The following PLAGL1 variants were observed in gnomAD, a reference collection of about 807,000 sequenced individuals.
PLAGL1 encodes the protein PLAG1 like zinc finger 1.
In PLAGL1, 1 loss-of-function variant was observed where a neutral mutation model predicts 4.6. The ratio of observed to expected loss-of-function variants is 0.22; its 90% CI spans 0.08 to 1.03. The LOEUF (loss-of-function observed/expected upper bound fraction) is 1.03, where lower values mean the gene tolerates loss of function less well. PLAGL1 is among the 50% of genes least tolerant of loss of function. PLAGL1 has a pLI of 0.58. For missense variants in PLAGL1, 464 were observed against 570.4 expected (o/e 0.81, Z 1.90); for synonymous variants, 240 against 237.8 (o/e 1.01, Z -0.08).
At chr6:144,021,485 C>T (rs1266056906) in intron 1 of PLAGL1, among the ~76,000 whole-genome samples, 2 of 152,148 alleles carry the variant, frequency 1.3e-5, no homozygotes, top group East Asian at 3.8e-4. Flanking sequence ...AGAAAAACAA[C>T]TTTTATAGAA....
chr6:143,980,414 T>G (rs2128604937), intron 2 of PLAGL1, among the ~76,000 whole-genome samples: 1 of 149,244 alleles, frequency 6.7e-6, no homozygotes, highest in Non-Finnish European at 1.5e-5. Context: ...TTCCATTCAG[T>G]ATCTCATTTT....
rs1799664677 is a variant in PLAGL1, at chr6:144,064,300, C to CCA, written c.-151+166_-151+167dup. Among the ~76,000 whole-genome samples, 1 of 152,122 alleles carries CCA rather than the reference C, an allele frequency of 6.6e-6. No homozygotes were observed. The highest frequency in any genetic ancestry group is 2.4e-5 in the African/African-American group (1 of 41,426). On this transcript the variant is annotated intron_variant, in intron 1 of 3. Transcript: ENST00000437412. This position sits in a 1 kb window ranked among gnomAD's most constrained non-coding sequence, Gnocchi z 6.8. ...GGCAGGACGCAGGCAGGAGCCTCGG[C>CCA]CAGGCTACCTCGCCTGGCCCGCGGA...
intron 1 of PLAGL1, among the ~76,000 whole-genome samples, chr6:144,054,448 G>T (rs1415705694): frequency 6.6e-6 from 1 of 152,142 alleles, no homozygotes; most frequent in Admixed American, 6.5e-5. Context: ...GTCCCTTGCA[G>T]GGGCATGGAT....
At position 144,030,821 on chromosome 6, in the gene PLAGL1, G is replaced by A. The variant is rs567535272; in HGVS notation, c.-151+33647C>T. On this transcript the variant is annotated intron_variant, in intron 1 of 3. Coordinates refer to the PLAGL1 transcript ENST00000437412. ...ACATGAGTGTGCAAGTATCTTTATC[G>A]TATAATGACTTCTTTTCCTCTGGGT... 6.5e-4 allele frequency among the ~76,000 whole-genome samples: 99 copies of A among 152,290 alleles called. No homozygotes were observed. In the Middle Eastern group the frequency reaches 0.024, roughly 37 times the overall value.
In PLAGL1 at chr6:144,013,475, A is replaced by G. The variant is rs1018368673; in HGVS notation, c.-150-44497T>C. ...GAACTTCCTTAGCCAGATAGTGGCTATATTTTATCCTATAGCTGCCATAAC... is the reference window on the plus strand; with the variant it reads ...GAACTTCCTTAGCCAGATAGTGGCTGTATTTTATCCTATAGCTGCCATAAC... On this transcript the variant is annotated intron_variant, in intron 1 of 3. Coordinates refer to the PLAGL1 transcript ENST00000437412. This position sits in a 1 kb window ranked among gnomAD's most constrained non-coding sequence, Gnocchi z 4.4. 7.2e-5 allele frequency among the ~76,000 whole-genome samples: 11 copies of G among 152,258 alleles called. No homozygotes were observed. Among genetic ancestry groups the G allele is most frequent in the South Asian group, 2.1e-4 (1 of 4,834 alleles).
Position 144,050,115 on chromosome 6 carries a change from G to A in PLAGL1, c.-151+14353C>T, listed in dbSNP as rs751065194. 1.2e-4 allele frequency among the ~76,000 whole-genome samples: 19 copies of A among 152,106 alleles called. No homozygotes were observed. Among genetic ancestry groups the A allele is most frequent in the Admixed American group, 2.6e-4 (4 of 15,266 alleles). On this transcript the variant is annotated intron_variant, in intron 1 of 3. Transcript: ENST00000437412. The surrounding 1 kb of genome is among the most constrained non-coding windows in gnomAD (Gnocchi z 4.3). ...AGTTATTTTTCATGAAAGCAAGTAA[G>A]GGTGCTTACTTTGAGTTTAACTCAA...
chr6:143,982,344 C>T lies in PLAGL1; in HGVS notation c.-544+2791G>A, dbSNP rs1047961647. On this transcript the variant is annotated intron_variant, in intron 2 of 7. Transcript: ENST00000674357. The surrounding 1 kb of genome is among the most constrained non-coding windows in gnomAD (Gnocchi z 5.3). ...TTCTGGGTACAATAATTGCAAAACT[C>T]GATGCAGAAACAAGAAAACTGGTAT... is the stretch of plus-strand genomic sequence containing the variant. 9.9e-5 allele frequency among the ~76,000 whole-genome samples: 15 copies of T among 152,048 alleles called. No individual in the cohort carries two copies. Among genetic ancestry groups the T allele is most frequent in the East Asian group, 1.9e-4 (1 of 5,168 alleles).
At position 144,036,739 on chromosome 6, in the gene PLAGL1, T is replaced by G. The variant is rs77853621; in HGVS notation, c.-151+27729A>C. 29,419 of 321,568 alleles carry G rather than the reference T, an allele frequency of 0.091. 1,812 individuals carry two copies. Among genetic ancestry groups the G allele is most frequent in the Admixed American group, 0.22 (4,761 of 22,046 alleles). The allele number at this position is 321,568 out of a possible 1,614,324, so 19.9% of individuals were successfully genotyped here. A position where few individuals can be genotyped will look rare whatever the true frequency, so the allele number is the denominator to read the frequency against. ...AAAAAGTGAAACTACAGAACAGAAA[T>G]TGTGCAACTTCCAGAAAACTGCTCT... On this transcript the variant is annotated intron_variant, in intron 1 of 3. Coordinates refer to the PLAGL1 transcript ENST00000437412. This position sits in a 1 kb window ranked among gnomAD's most constrained non-coding sequence, Gnocchi z 5.1.
At chr6:144,047,266 CT>C (rs1200569495) in intron 1 of PLAGL1, among the ~76,000 whole-genome samples, 3 of 152,196 alleles carry the variant, frequency 2.0e-5, no homozygotes, top group Non-Finnish European at 4.4e-5. Context: ...CAGAAATCAC[CT>C]GTCTTCTGCA....
upstream of PLAGL1, among the ~76,000 whole-genome samples, chr6:144,008,583 G>T (rs1378195556): frequency 6.6e-6 from 1 of 152,170 alleles, no homozygotes; most frequent in African/African-American, 2.4e-5. This position sits in a 1 kb window ranked among gnomAD's most constrained non-coding sequence, Gnocchi z 6.9. Context: ...GGTCGCCCAG[G>T]TACAGCGCTG....
In PLAGL1 at chr6:143,982,221, T is replaced by G. The variant is rs946525195; in HGVS notation, c.-544+2914A>C. On this transcript the variant is annotated intron_variant, in intron 2 of 7. Transcript: ENST00000674357. This position sits in a 1 kb window ranked among gnomAD's most constrained non-coding sequence, Gnocchi z 5.3. ...AAGAGATTTAGCAGTGAAAACAGTG[T>G]CAATTTAAAACAGGCTGGTCAGGGA... 6.6e-6 allele frequency among the ~76,000 whole-genome samples: 1 copy of G among 151,986 alleles called. No individual in the cohort carries two copies. Among genetic ancestry groups the G allele is most frequent in the African/African-American group, 2.4e-5 (1 of 41,438 alleles).
At chr6:144,017,745 C>G (rs1435466022) in intron 1 of PLAGL1, among the ~76,000 whole-genome samples, 1 of 152,180 alleles carries the variant, frequency 6.6e-6, no homozygotes, top group Non-Finnish European at 1.5e-5. Context: ...GAATCCATGG[C>G]AAACCCGTAG....
chr6:143,981,998 T>C (rs1301752157), intron 2 of PLAGL1, among the ~76,000 whole-genome samples: 1 of 152,198 alleles, frequency 6.6e-6, no homozygotes, highest in East Asian at 1.9e-4. Context: ...TTCCTGGCAT[T>C]GTTCTAGGTG....
Position 143,952,321 on chromosome 6 carries a change from C to T in PLAGL1, c.-324-3861G>A, listed in dbSNP as rs183922815. ...AACTTACAGAGCAATGGTCCTGATG[C>T]GAGTCATTCTGTTCTGTGACTTGAC... is the stretch of plus-strand genomic sequence containing the variant. On this transcript the variant is annotated intron_variant, in intron 6 of 7. Transcript: ENST00000674357. This position sits in a 1 kb window ranked among gnomAD's most constrained non-coding sequence, Gnocchi z 6.1. Among the ~76,000 whole-genome samples the T allele has an allele frequency of 6.6e-5, 10 of 152,302 alleles. No individual in the cohort carries two copies. The highest frequency in any genetic ancestry group is 1.3e-4 in the Non-Finnish European group (9 of 68,030).
rs1778367759 is a variant in PLAGL1 at position 143,940,574 on chromosome 6, ACAGAG to A, written c.*845_*849del. 6.6e-6 allele frequency: 1 copy of A among 152,422 alleles called. No homozygotes were observed. The highest frequency in any genetic ancestry group is 1.9e-4 in the East Asian group (1 of 5,200). 9.4% of individuals were successfully genotyped at this position (152,422 alleles called of 1,614,324 possible). ...CAGCTTGAGTAGTAGTTTAAGCTAG[ACAGAG>A]CAAAGAAAATTCTTGTTTAATATAT... On this transcript the variant is annotated 3_prime_UTR_variant, in exon 8 of 8. Coordinates refer to ENST00000674357, the MANE Select transcript of PLAGL1 (RefSeq NM_001317162.2).
At chr6:144,020,578 G>A (rs182107808) in intron 1 of PLAGL1, among the ~76,000 whole-genome samples, 1 of 151,436 alleles carries the variant, frequency 6.6e-6, no homozygotes, top group Non-Finnish European at 1.5e-5. Context: ...GAGCCACCAC[G>A]CCCGGCCCTT....
At chr6:143,987,437 C>CTTTTTTA (rs1789459458) in intron 1 of PLAGL1, among the ~76,000 whole-genome samples, 1 of 73,940 alleles carries the variant, frequency 1.4e-5, no homozygotes, top group South Asian at 6.8e-4. Flanking sequence ...ACCACACTGG[C>CTTTTTTA]TTTTTTTTTT....
intron 1 of PLAGL1, among the ~76,000 whole-genome samples, chr6:144,043,623 G>T (rs1797905080): frequency 1.3e-5 from 2 of 152,092 alleles, no homozygotes; most frequent in African/African-American, 4.8e-5. Context: ...CAGGGATATT[G>T]GTCTAAAATT....
chr6:144,032,226 TC>T (rs1323344109), intron 1 of PLAGL1, among the ~76,000 whole-genome samples: 1 of 150,620 alleles, frequency 6.6e-6, no homozygotes, highest in African/African-American at 2.4e-5. Flanking sequence ...GCTCAAGCGA[TC>T]CTCCTGCCCC....
Sources: allele counts gnomAD v4.1 joint callset (sites outside exome capture counted in the v4.1 genomes callset), GRCh38; gene constraint gnomAD v4.1.1; non-coding constraint Gnocchi (gnomAD v3.1); transcripts MANE v1.5; gene names NCBI Gene and HGNC (gene_info 2026-07-23, HGNC 2026-07-21).